The following RPP30 variants were observed in gnomAD, a reference collection of about 807,000 sequenced individuals.
RPP30 encodes ribonuclease P protein subunit p30.
A neutral mutation model predicts 38.6 loss-of-function variants in RPP30; 36 were observed. That is an observed-to-expected ratio of 0.93 (90% confidence interval 0.71 to 1.23). The LOEUF (loss-of-function observed/expected upper bound fraction) is 1.23, where lower values mean the gene tolerates loss of function less well. Among genes scored for constraint, RPP30 ranks in the 50% most tolerant of loss-of-function variants. The probability of loss-of-function intolerance (pLI) is 0.00; values close to 1 mark genes in which losing one functional copy is unlikely to be tolerated. For synonymous variants in RPP30, 126 were observed against 112.7 expected (o/e 1.12, Z -0.75); for missense variants, 321 against 321.7 (o/e 1.00, Z 0.02).
chr10:90,899,807 C>T (rs990481868), intron 10 of RPP30, among the ~76,000 whole-genome samples: 1 of 152,106 alleles, frequency 6.6e-6, no homozygotes, highest in African/African-American at 2.4e-5. Context: ...ATTATATTTG[C>T]TCTTATTGTG....
intron 1 of RPP30, among the ~76,000 whole-genome samples, chr10:90,874,517 A>G (rs1313022573): frequency 1.3e-5 from 2 of 152,234 alleles, no homozygotes; most frequent in Non-Finnish European, 2.9e-5. Flanking sequence ...CAAAGTTAAG[A>G]GTCTTTAGTA....
At chr10:90,903,685 A>G (rs1390447207), downstream of RPP30, among the ~76,000 whole-genome samples, 1 of 152,234 alleles carries the variant, frequency 6.6e-6, no homozygotes. Flanking sequence ...ATGAACCACT[A>G]ATTTAATTGC....
rs1246783106 is a variant in RPP30, at chr10:90,901,546, C to A, written c.*867C>A. 3.2e-5 allele frequency: 32 copies of A among 985,148 alleles called. No individual in the cohort carries two copies. Among genetic ancestry groups the A allele is most frequent in the Non-Finnish European group, 3.9e-5 (32 of 829,878 alleles). 61.0% of individuals were successfully genotyped at this position (985,148 alleles called of 1,614,324 possible). A position where few individuals can be genotyped will look rare whatever the true frequency, so the allele number is the denominator to read the frequency against. On this transcript the variant is annotated 3_prime_UTR_variant, in exon 11 of 11. Transcript: ENST00000371703. ...ACGTAAGGTCTTTGAAATAGGATTC[C>A]TTACTTTTAGTTAGAAACCCCTAAA...
At chr10:90,903,170 A>C (rs1847221542), downstream of RPP30, 2 of 1,357,028 alleles carry the variant, frequency 1.5e-6, no homozygotes, top group Non-Finnish European at 2.1e-6. Context: ...CACTAATGTC[A>C]AGTTCCTTTT....
chr10:90,882,735 A>G (rs1846947079), intron 5 of RPP30, among the ~76,000 whole-genome samples: 1 of 152,234 alleles, frequency 6.6e-6, no homozygotes, highest in South Asian at 2.1e-4. Context: ...AGGCCGAGGC[A>G]GGATGACCAC....
rs138894448 is a variant in RPP30 at position 90,884,141 on chromosome 10, A to G, written c.343-1671A>G. ...GATGTTTAATTGTGTCTAGTCTTTCATGATTGGTATTGCAATGACTGTCAT... is the reference window on the plus strand; with the variant it reads ...GATGTTTAATTGTGTCTAGTCTTTCGTGATTGGTATTGCAATGACTGTCAT... On this transcript the variant is annotated intron_variant, in intron 5 of 10. Coordinates refer to ENST00000371703, the MANE Select transcript of RPP30 (RefSeq NM_006413.5). Among the ~76,000 whole-genome samples, 824 of 152,244 alleles carry G rather than the reference A, an allele frequency of 5.4e-3. 9 individuals carry two copies. The highest frequency in any genetic ancestry group is 0.019 in the African/African-American group (778 of 41,554).
chr10:90,885,822 C>T lies in RPP30; in HGVS notation c.353C>T (p.Thr118Ile). Residue 118 changes from threonine (T) to isoleucine (I), a missense_variant, in exon 6 of 11, where the codon ACA becomes ATA. By Grantham distance (89) the Thr-to-Ile change is moderately conservative. Transcript: ENST00000371703. Reference sequence around the variant, plus strand: ...TTTTCTTCTTTACAGATTGCTTGCACACATTTAGATGTGGATTTAGTCTGC... The same window carrying T: ...TTTTCTTCTTTACAGATTGCTTGCATACATTTAGATGTGGATTTAGTCTGC... The part of the protein sequence containing the change: ...KTEKLFHIAC[T>I]HLDVDLVCIT... 1 of 1,607,688 alleles carries T rather than the reference C, an allele frequency of 6.2e-7. No homozygotes were observed. The highest frequency in any genetic ancestry group is 1.1e-5 in the South Asian group (1 of 89,618).
chr10:90,891,098 C>G (rs898736760), intron 6 of RPP30, among the ~76,000 whole-genome samples: 3 of 152,192 alleles, frequency 2.0e-5, no homozygotes, highest in African/African-American at 4.8e-5. Context: ...ATTACAAATA[C>G]GTTTACTGAT....
At position 90,874,769 on chromosome 10, in the gene RPP30, A is replaced by G. The variant is rs530826747; in HGVS notation, c.83-100A>G. Reference sequence around the variant, plus strand: ...AGTTCACATTCATAACCACTCCTCAAATGTCCTCCTACTCTTGACATCTAG... The same window carrying G: ...AGTTCACATTCATAACCACTCCTCAGATGTCCTCCTACTCTTGACATCTAG... On this transcript the variant is annotated intron_variant, in intron 1 of 10. Coordinates refer to ENST00000371703, the MANE Select transcript of RPP30 (RefSeq NM_006413.5). 7.3e-6 allele frequency: 5 copies of G among 682,552 alleles called. No homozygotes were observed. In the East Asian group the frequency reaches 1.1e-4, roughly 15 times the overall value. 42.3% of individuals were successfully genotyped at this position (682,552 alleles called of 1,614,324 possible). A position where few individuals can be genotyped will look rare whatever the true frequency, so the allele number is the denominator to read the frequency against.
intron 6 of RPP30, among the ~76,000 whole-genome samples, chr10:90,886,235 A>G (rs1431306705): frequency 1.3e-5 from 2 of 152,192 alleles, no homozygotes; most frequent in Non-Finnish European, 2.9e-5. Context: ...AAGAAGAGGA[A>G]GGGAAAAAAT....
chr10:90,889,756 C>T (rs1227840059), intron 6 of RPP30, among the ~76,000 whole-genome samples: 1 of 152,102 alleles, frequency 6.6e-6, no homozygotes, highest in Non-Finnish European at 1.5e-5. Flanking sequence ...CTATAGCATA[C>T]CAAACACTCC....
chr10:90,904,820 A>G (rs111666375), downstream of RPP30, among the ~76,000 whole-genome samples: 1,650 of 152,290 alleles, frequency 0.011, 32 homozygotes, highest in African/African-American at 0.037. Context: ...TAAAAAAAAG[A>G]AAGTACCAAC....
At chr10:90,907,512 C>T (rs574551237), downstream of RPP30, among the ~76,000 whole-genome samples, 1 of 152,324 alleles carries the variant, frequency 6.6e-6, no homozygotes, top group African/African-American at 2.4e-5. Flanking sequence ...TGGTTATGGA[C>T]TATGCGTATA....
intron 6 of RPP30, among the ~76,000 whole-genome samples, chr10:90,888,941 C>T (rs1847038380): frequency 6.6e-6 from 1 of 151,982 alleles, no homozygotes; most frequent in African/African-American, 2.4e-5. Context: ...AAAGGCTGCA[C>T]AAGATTATTT....
chr10:90,904,763 G>GTCA (rs1268345029), downstream of RPP30, among the ~76,000 whole-genome samples: 1 of 152,128 alleles, frequency 6.6e-6, no homozygotes, highest in African/African-American at 2.4e-5. Context: ...ACTGAGCTGA[G>GTCA]ATCGCACCAC....
rs373589536 is a variant in RPP30 at position 90,871,999 on chromosome 10, G to A, written c.13G>A (p.Ala5Thr). Residue 5 changes from alanine (A) to threonine (T), a missense_variant, in exon 1 of 11, where the codon GCA (alanine) becomes ACA (threonine). Ala to Thr is a moderately conservative substitution (Grantham distance 58). Transcript: ENST00000371703. Reference sequence around the variant, plus strand: ...ATGGGACTTCAGCATGGCGGTGTTTGCAGATTTGGACCTGCGAGCGGGTTC... The same window carrying A: ...ATGGGACTTCAGCATGGCGGTGTTTACAGATTTGGACCTGCGAGCGGGTTC... MAVF[A>T]DLDLRAGSDL... is the part of the protein sequence containing the mutation. 3 of 1,613,892 alleles carry A rather than the reference G, an allele frequency of 1.9e-6. No individual in the cohort carries two copies. In the South Asian group the frequency reaches 3.3e-5, roughly 18 times the overall value.
At chr10:90,887,256 C>T (rs1847014443) in intron 6 of RPP30, among the ~76,000 whole-genome samples, 1 of 152,032 alleles carries the variant, frequency 6.6e-6, no homozygotes, top group South Asian at 2.1e-4. Flanking sequence ...GCATGAGCCA[C>T]CATGCCTGAC....
intron 6 of RPP30, among the ~76,000 whole-genome samples, chr10:90,890,488 G>A (rs190650634): frequency 2.7e-4 from 41 of 152,086 alleles, no homozygotes; most frequent in East Asian, 1.9e-3. Context: ...TTCGTGGTCC[G>A]ATTACTCCCC....
rs1847205034 is a variant in RPP30 at position 90,901,693 on chromosome 10, A to G, written c.*1014A>G. 1 of 984,396 alleles carries G rather than the reference A, an allele frequency of 1.0e-6. No individual in the cohort carries two copies. 61.0% of individuals were successfully genotyped at this position (984,396 alleles called of 1,614,324 possible). On this transcript the variant is annotated 3_prime_UTR_variant, in exon 11 of 11. Coordinates refer to ENST00000371703, the MANE Select transcript of RPP30 (RefSeq NM_006413.5). Reference sequence around the variant, plus strand: ...TTAAGTAGAAGTAGCTTTTTATGCAAATACATGCATTTATGCAATATTAAT... The same window carrying G: ...TTAAGTAGAAGTAGCTTTTTATGCAGATACATGCATTTATGCAATATTAAT...
Sources: gnomAD v4.1 joint callset for allele counts (sites outside exome capture counted in the v4.1 genomes callset) on GRCh38, gnomAD v4.1.1 for gene constraint, MANE v1.5 for transcripts, NCBI Gene and HGNC (gene_info 2026-07-23, HGNC 2026-07-21) for gene names.